The following MOB4 variants were observed in gnomAD, a reference collection of about 807,000 sequenced individuals.
MOB4 encodes MOB-like protein phocein.
Under a neutral mutation model 32.2 loss-of-function variants are expected in MOB4, and 4 were observed. The observed-to-expected ratio is 0.12, with a 90% CI of 0.06 to 0.28. The LOEUF (loss-of-function observed/expected upper bound fraction) is 0.28, where lower values mean the gene tolerates loss of function less well. MOB4 is among the 10% of genes least tolerant of loss of function. MOB4 has a pLI of 1.00. For synonymous variants in MOB4, 88 were observed against 88.1 expected (o/e 1.00, Z 0.01); for missense variants, 158 against 271.2 (o/e 0.58, Z 2.93).
At chr2:197,536,595 CTTTTTT>C (rs71012981) in intron 3 of MOB4, among the ~76,000 whole-genome samples, 1 of 55,372 alleles carries the variant, frequency 1.8e-5, no homozygotes. Context: ...CATCTTTTGT[CTTTTTT>C]TTTTTTTTTT....
At chr2:197,520,818 G>C (rs530155381) in intron 1 of MOB4, among the ~76,000 whole-genome samples, 2 of 150,368 alleles carry the variant, frequency 1.3e-5, no homozygotes, top group Non-Finnish European at 2.9e-5. Context: ...AGCACTTTGG[G>C]AGGCTGAGGC....
intron 1 of MOB4, among the ~76,000 whole-genome samples, chr2:197,521,407 A>G (rs2086516492): frequency 6.6e-6 from 1 of 152,244 alleles, no homozygotes; most frequent in South Asian, 2.1e-4. Flanking sequence ...GCGAGATCAC[A>G]GGACCACAGG....
chr2:197,548,502 A>G (rs2087037136), intron 6 of MOB4, 87 bp downstream of exon 6: 2 of 661,040 alleles, frequency 3.0e-6, no homozygotes, highest in Non-Finnish European at 5.1e-6. Flanking sequence ...GAGGGATAGT[A>G]TTAGGAGCTA....
intron 2 of MOB4, among the ~76,000 whole-genome samples, chr2:197,532,699 GTAAA>G (rs899770913): frequency 1.3e-5 from 2 of 150,760 alleles, no homozygotes; most frequent in African/African-American, 4.9e-5. Context: ...AAAAAAATAA[GTAAA>G]TAAAAGTCTC....
chr2:197,534,635 C>T lies in MOB4; in HGVS notation c.124-895C>T, dbSNP rs141802929. Among the ~76,000 whole-genome samples the T allele has an allele frequency of 9.2e-3, 1,403 of 152,226 alleles. 28 individuals carry two copies. Among genetic ancestry groups the T allele is most frequent in the African/African-American group, 0.032 (1,329 of 41,558 alleles). On this transcript the variant is annotated intron_variant, in intron 2 of 7. Coordinates refer to ENST00000323303, the MANE Select transcript of MOB4 (RefSeq NM_015387.5). Reference sequence around the variant, plus strand: ...TTGGTTCACTGCAACCTCCGCCTCCCGGGTCCAAGCGATTCTCTTGCCTCA... The same window carrying T: ...TTGGTTCACTGCAACCTCCGCCTCCTGGGTCCAAGCGATTCTCTTGCCTCA...
intron 3 of MOB4, among the ~76,000 whole-genome samples, chr2:197,539,060 AT>A (rs201112705): frequency 6.7e-6 from 1 of 148,578 alleles, no homozygotes; most frequent in Non-Finnish European, 1.5e-5. Flanking sequence ...TTTTGGGGGG[AT>A]TTTTTTTTGT....
intron 1 of MOB4, among the ~76,000 whole-genome samples, chr2:197,523,283 C>G (rs2106107270): frequency 6.6e-6 from 1 of 152,114 alleles, no homozygotes; most frequent in East Asian, 1.9e-4. Context: ...TCTTAATATT[C>G]ATTTAAAAAA....
In MOB4 at chr2:197,536,382, T is replaced by C. The variant is rs377279508; in HGVS notation, c.224+752T>C. Among the ~76,000 whole-genome samples, 5 of 151,968 alleles carry C rather than the reference T, an allele frequency of 3.3e-5. No individual in the cohort carries two copies. The East Asian group carries it at 9.7e-4, about 29-fold the overall frequency. ...CTAAGCCTGGCTAGTTTTTTGTATT[T>C]TTTGTAGAGACAAGGTTTCACCATG... On this transcript the variant is annotated intron_variant, in intron 3 of 7. Transcript: ENST00000323303.
At chr2:197,538,861 G>A (rs985806804) in intron 3 of MOB4, among the ~76,000 whole-genome samples, 8 of 152,086 alleles carry the variant, frequency 5.3e-5, no homozygotes, top group South Asian at 2.1e-4. Flanking sequence ...AGGGTGATAC[G>A]GTGATTTAGA....
At chr2:197,545,146 C>G (rs1172760774) in intron 5 of MOB4, among the ~76,000 whole-genome samples, 1 of 152,138 alleles carries the variant, frequency 6.6e-6, no homozygotes, top group Admixed American at 6.6e-5. Flanking sequence ...ATGGAAACAA[C>G]CAAATATCCA....
chr2:197,516,793 G>A, intron 1 of MOB4: 1 of 466,980 alleles, frequency 2.1e-6, no homozygotes, highest in South Asian at 1.6e-5. Context: ...CATAGTCAGA[G>A]AATGAACTGA....
intron 3 of MOB4, among the ~76,000 whole-genome samples, chr2:197,538,300 C>CCAAAAAG (rs1169540141): frequency 6.6e-6 from 1 of 150,914 alleles, no homozygotes; most frequent in African/African-American, 2.4e-5. Context: ...CTACTAGCCA[C>CCAAAAAG]TTTTTGGTCT....
chr2:197,540,938 G>A (rs961354351), intron 5 of MOB4, among the ~76,000 whole-genome samples: 8 of 150,022 alleles, frequency 5.3e-5, no homozygotes, highest in African/African-American at 1.7e-4. Context: ...TTCTTACTCC[G>A]TTGTCCAGGC....
At chr2:197,533,751 T>C (rs939955839) in intron 2 of MOB4, 9 of 369,784 alleles carry the variant, frequency 2.4e-5, no homozygotes, top group Non-Finnish European at 4.6e-5. Flanking sequence ...AAAAAAGTAT[T>C]TGATCCCTTT....
At chr2:197,531,975 T>C (rs1023342211) in intron 2 of MOB4, among the ~76,000 whole-genome samples, 1 of 152,164 alleles carries the variant, frequency 6.6e-6, no homozygotes, top group African/African-American at 2.4e-5. Context: ...TAGCGTGTGA[T>C]TGCTGCTCAG....
At chr2:197,525,289 A>G (rs2086591785) in intron 2 of MOB4, among the ~76,000 whole-genome samples, 1 of 151,282 alleles carries the variant, frequency 6.6e-6, no homozygotes. Context: ...GTGAGCCTGC[A>G]GTGAGCCGAG....
intron 2 of MOB4, among the ~76,000 whole-genome samples, chr2:197,526,206 T>G (rs1282465071): frequency 2.0e-5 from 3 of 152,238 alleles, no homozygotes; most frequent in African/African-American, 7.2e-5. Flanking sequence ...TGAAGTTGTT[T>G]CCTTTATTCG....
Position 197,552,679 on chromosome 2 carries a change from T to TC in MOB4, c.*2033_*2034insC, listed in dbSNP as rs2087117141. 6.6e-6 allele frequency: 1 copy of TC among 152,374 alleles called. No homozygotes were observed. The highest frequency in any genetic ancestry group is 1.9e-4 in the East Asian group (1 of 5,344). 9.4% of individuals were successfully genotyped at this position (152,374 alleles called of 1,614,324 possible). A position where few individuals can be genotyped will look rare whatever the true frequency, so the allele number is the denominator to read the frequency against. ...ATAATCTTACTAATTGTGAAGTTGATTCACTACTATACTAGGTAAGACCTA... is the reference window on the plus strand; with the variant it reads ...ATAATCTTACTAATTGTGAAGTTGATCTCACTACTATACTAGGTAAGACCTA... On this transcript the variant is annotated 3_prime_UTR_variant, in exon 8 of 8. Coordinates refer to ENST00000323303, the MANE Select transcript of MOB4 (RefSeq NM_015387.5).
intron 1 of MOB4, among the ~76,000 whole-genome samples, chr2:197,518,876 C>T (rs2086464707): frequency 6.6e-6 from 1 of 152,194 alleles, no homozygotes; most frequent in African/African-American, 2.4e-5. Flanking sequence ...CTGCCTCGGC[C>T]TCCCGAGTAG....
Sources: gnomAD v4.1 joint callset for allele counts (sites outside exome capture counted in the v4.1 genomes callset) on GRCh38, gnomAD v4.1.1 for gene constraint, MANE v1.5 for transcripts, NCBI Gene and HGNC (gene_info 2026-07-23, HGNC 2026-07-21) for gene names.